The following SFPQ variants were observed in gnomAD, a reference collection of about 807,000 sequenced individuals.
SFPQ encodes splicing factor proline and glutamine rich, also known as splicing factor, proline- and glutamine-rich.
A neutral mutation model predicts 72.9 loss-of-function variants in SFPQ; 11 were observed. The observed-to-expected ratio is 0.15, with a 90% confidence interval of 0.09 to 0.25. The LOEUF (loss-of-function observed/expected upper bound fraction) is 0.25. SFPQ is among the 10% of genes least tolerant of loss of function. SFPQ has a pLI of 1.00. For missense variants in SFPQ, 847 were observed against 993.3 expected, an observed-to-expected ratio of 0.85 and a Z score of 1.98; for synonymous variants, 506 against 367.3, an observed-to-expected ratio of 1.38 and a Z score of -4.32.
rs1353319737 is a variant in SFPQ at position 35,191,367 on chromosome 1, CTTTGTT to C, written c.985_990del (p.Asn329_Lys330del). On this transcript the variant is annotated inframe_deletion, in exon 2 of 10. Transcript: ENST00000357214. ...AGCTTAATAAATCCGAATCCTTTGC[CTTTGTT>C]GATAAAAACTTCTCCTGGTTCTCCA... 3 of 1,613,874 alleles carry C rather than the reference CTTTGTT, an allele frequency of 1.9e-6. No homozygotes were observed. Among genetic ancestry groups the C allele is most frequent in the African/African-American group, 1.3e-5 (1 of 74,916 alleles).
At chr1:35,180,302 A>G (rs957653932), downstream of SFPQ, 99 of 1,047,914 alleles carry the variant, frequency 9.4e-5, no homozygotes, top group Non-Finnish European at 1.1e-4. Flanking sequence ...CTAAGCAACA[A>G]AAGTTGTGCT....
chr1:35,184,206 C>T lies in SFPQ; in HGVS notation c.*250G>A. On this transcript the variant is annotated 3_prime_UTR_variant, in exon 10 of 10. Transcript: ENST00000357214. ...AAATTCAGTGGCACAAGGTACACTG[C>T]CATAAACTTGAGGGACATTATACAG... is the stretch of plus-strand genomic sequence containing the variant. 8.2e-7 allele frequency: 1 copy of T among 1,224,290 alleles called. No homozygotes were observed. The highest frequency in any genetic ancestry group is 2.3e-5 in the South Asian group (1 of 42,658). 75.8% of individuals were successfully genotyped at this position (1,224,290 alleles called of 1,614,324 possible).
downstream of SFPQ, chr1:35,178,420 T>TG: frequency 9.4e-6 from 10 of 1,064,520 alleles, no homozygotes; most frequent in Non-Finnish European, 1.1e-5. Flanking sequence ...GCACATACCC[T>TG]GCTCCCCATT....
chr1:35,180,380 C>T (rs1639418119), downstream of SFPQ: 2 of 1,014,046 alleles, frequency 2.0e-6, no homozygotes, highest in South Asian at 9.4e-5. Flanking sequence ...CTAAGGGAAC[C>T]AAATTCAAAA....
At chr1:35,179,230 A>T (rs1033763440), downstream of SFPQ, 4 of 1,061,390 alleles carry the variant, frequency 3.8e-6, no homozygotes, top group African/African-American at 4.9e-5. Flanking sequence ...TGCAGCTGAC[A>T]ATGATTAACA....
downstream of SFPQ, chr1:35,178,306 CAA>C: frequency 9.2e-7 from 1 of 1,089,982 alleles, no homozygotes; most frequent in Non-Finnish European, 1.1e-6. Context: ...AGTCTGAGCA[CAA>C]GTTTGACTGC....
chr1:35,179,791 G>T, downstream of SFPQ: 1 of 1,054,302 alleles, frequency 9.5e-7, no homozygotes, highest in Non-Finnish European at 1.1e-6. Flanking sequence ...GTTACTGACT[G>T]GTAAGAAATA....
chr1:35,182,229 CTT>C, downstream of SFPQ: 1 of 985,336 alleles, frequency 1.0e-6, no homozygotes, highest in African/African-American at 1.7e-5. Flanking sequence ...CCCTTATTTT[CTT>C]GTCTTTAGTA....
intron 9 of SFPQ, among the ~76,000 whole-genome samples, chr1:35,186,700 G>A (rs1030008867): frequency 4.6e-5 from 7 of 152,088 alleles, no homozygotes; most frequent in Admixed American, 2.0e-4. Flanking sequence ...TCTAGAATTT[G>A]GATTTGCCAT....
chr1:35,191,592 T>C (rs1639999592), intron 1 of SFPQ, 63 bp from the exon 2 acceptor site: 15 of 1,303,142 alleles, frequency 1.2e-5, no homozygotes, highest in South Asian at 2.6e-5. Flanking sequence ...ATCCCCAAGA[T>C]AGTATTTGCT....
chr1:35,189,445 C>G, intron 4 of SFPQ, 63 bp from the exon 5 acceptor site: 1 of 1,285,238 alleles, frequency 7.8e-7, no homozygotes, highest in Non-Finnish European at 1.1e-6. Context: ...AATACTTGCC[C>G]TAGTACTGAT....
chr1:35,186,207 T>C (rs1193657565), intron 9 of SFPQ, among the ~76,000 whole-genome samples: 1 of 152,190 alleles, frequency 6.6e-6, no homozygotes, highest in African/African-American at 2.4e-5. Context: ...ACTCATCACA[T>C]TCAACTCAGC....
At position 35,184,439 on chromosome 1, in the gene SFPQ, A is replaced by T; in HGVS notation, c.*17T>A. 6.3e-7 allele frequency: 1 copy of T among 1,598,506 alleles called. No homozygotes were observed. Among genetic ancestry groups the T allele is most frequent in the Middle Eastern group, 1.7e-4 (1 of 6,032 alleles). On this transcript the variant is annotated 3_prime_UTR_variant, in exon 10 of 10. Coordinates refer to ENST00000357214, the MANE Select transcript of SFPQ (RefSeq NM_005066.3). ...AAAAAAACAAAACAAACTGGAATGA[A>T]AGCCTAAATATCACATCTAAAATCG...
At chr1:35,186,256 C>T (rs927444124) in intron 9 of SFPQ, among the ~76,000 whole-genome samples, 2 of 152,172 alleles carry the variant, frequency 1.3e-5, no homozygotes, top group Admixed American at 1.3e-4. Context: ...AAATTCAGTC[C>T]TAACGATTTG....
Position 35,190,608 on chromosome 1 carries a change from GGTTCCATCTTAGCTTT to G in SFPQ, c.1320-31_1320-16del. The stretch of plus-strand genomic sequence containing the variant: ...GACGAGGAGTTCTAATAACAAAAAT[GGTTCCATCTTAGCTTT>G]GTTCCAGTTTTATTGCCACCATTCT... On this transcript the variant is annotated splice_polypyrimidine_tract_variant and intron_variant, in intron 3 of 9. Coordinates refer to ENST00000357214, the MANE Select transcript of SFPQ (RefSeq NM_005066.3). The G allele has an allele frequency of 6.2e-7, 1 of 1,609,142 alleles. No homozygotes were observed. Among genetic ancestry groups the G allele is most frequent in the Non-Finnish European group, 8.5e-7 (1 of 1,176,486 alleles).
Position 35,191,530 on chromosome 1 carries a change from C to G in SFPQ, c.829-1G>C. 1 of 1,603,250 alleles carries G rather than the reference C, an allele frequency of 6.2e-7. No individual in the cohort carries two copies. The highest frequency in any genetic ancestry group is 8.5e-7 in the Non-Finnish European group (1 of 1,176,842). On this transcript the variant is annotated splice_acceptor_variant, in intron 1 of 9. Transcript: ENST00000357214. LOFTEE classifies it high-confidence loss of function. ...AGAGAGACAAATTGGCTTTAAACCC[C>G]TAATGAAAAAGGAAAGAAGTTTTCA...
At chr1:35,187,912 T>C in intron 7 of SFPQ, 61 bp downstream of exon 7, 1 of 998,266 alleles carries the variant, frequency 1.0e-6, no homozygotes, top group East Asian at 2.4e-5. Flanking sequence ...CTGTAATTCC[T>C]TCTAGGTACC....
At chr1:35,188,854 G>A (rs912417362) in intron 6 of SFPQ, 149 bp downstream of exon 6, 18 of 647,218 alleles carry the variant, frequency 2.8e-5, no homozygotes, top group Admixed American at 1.3e-4. Context: ...CCAGCTGATC[G>A]GGAGGCTGAG....
At chr1:35,186,524 G>A (rs1570123592) in intron 9 of SFPQ, among the ~76,000 whole-genome samples, 1 of 152,160 alleles carries the variant, frequency 6.6e-6, no homozygotes, top group Non-Finnish European at 1.5e-5. Context: ...TCATAGGATA[G>A]AAGCCACACC....
Sources: allele counts gnomAD v4.1 joint callset (sites outside exome capture counted in the v4.1 genomes callset), GRCh38; gene constraint gnomAD v4.1.1; transcripts MANE v1.5; gene names NCBI Gene and HGNC (gene_info 2026-07-23, HGNC 2026-07-21).